The following USP20 variants were observed in gnomAD, a reference collection of about 807,000 sequenced individuals.
USP20 encodes the protein ubiquitin carboxyl-terminal hydrolase 20.
Under a neutral mutation model 124.2 loss-of-function variants are expected in USP20, and 80 were observed. The observed-to-expected ratio is 0.64, with a 90% CI of 0.54 to 0.78. The LOEUF is 0.78. USP20 is among the 30% of genes least tolerant of loss of function. USP20 has a pLI of 0.00. For synonymous variants in USP20, 481 were observed against 512.3 expected (o/e 0.94, Z 0.83); for missense variants, 1,043 against 1,244.4 (o/e 0.84, Z 2.44).
At chr9:129,850,838 G>T (rs1343021132) in intron 2 of USP20, among the ~76,000 whole-genome samples, 1 of 152,074 alleles carries the variant, frequency 6.6e-6, no homozygotes, top group Non-Finnish European at 1.5e-5. Context: ...ATTTTTAGTA[G>T]AGACGGGATT....
chr9:129,859,577 CCTT>C (rs2033428272), intron 6 of USP20, among the ~76,000 whole-genome samples: 6 of 151,880 alleles, frequency 4.0e-5, no homozygotes, highest in Admixed American at 2.6e-4. Flanking sequence ...CCTGGCCTCT[CCTT>C]CTGTTTAGAC....
intron 3 of USP20, 102 bp from the exon 4 acceptor site, chr9:129,856,205 A>G (rs532723032): frequency 3.7e-5 from 43 of 1,166,498 alleles, no homozygotes; most frequent in East Asian, 2.1e-4. Context: ...TTCTGAGTGC[A>G]TGTCAGCCAG....
chr9:129,872,181 C>A (rs1588283622), intron 15 of USP20, among the ~76,000 whole-genome samples: 1 of 150,174 alleles, frequency 6.7e-6, no homozygotes, highest in South Asian at 2.1e-4. Flanking sequence ...GAGACAGAGT[C>A]TCACTCTGTC....
chr9:129,873,033 C>G (rs1440979020), intron 15 of USP20, among the ~76,000 whole-genome samples: 1 of 151,372 alleles, frequency 6.6e-6, no homozygotes, highest in Non-Finnish European at 1.5e-5. Flanking sequence ...AGGGCCTTCC[C>G]TCCCTCCAGT....
chr9:129,846,784 G>A (rs573672752), intron 1 of USP20, among the ~76,000 whole-genome samples: 12 of 151,292 alleles, frequency 7.9e-5, no homozygotes, highest in African/African-American at 2.7e-4. Context: ...CCGCCACCAC[G>A]CCCGGCTAAT....
intron 6 of USP20, 41 bp downstream of exon 6, chr9:129,858,639 T>A: frequency 6.2e-7 from 1 of 1,606,196 alleles, no homozygotes; most frequent in Non-Finnish European, 8.5e-7. Flanking sequence ...TTGGTGACAC[T>A]GTGTTGAGGA....
At chr9:129,856,438 G>A (rs751470209) in intron 4 of USP20, 78 bp downstream of exon 4, 34 of 1,513,886 alleles carry the variant, frequency 2.2e-5, no homozygotes, top group Non-Finnish European at 2.9e-5. Flanking sequence ...GGTGCAGTGG[G>A]CTAGACTCTG....
At chr9:129,870,317 C>A in intron 14 of USP20, 136 bp from the exon 15 acceptor site, 1 of 880,660 alleles carries the variant, frequency 1.1e-6, no homozygotes, top group Non-Finnish European at 1.8e-6. Context: ...TGCCCCGACC[C>A]GCCGTGCCCG....
rs780453470 is a variant in USP20 at position 129,874,765 on chromosome 9, TG to T, written c.1921+10del. 28 of 1,613,656 alleles carry T rather than the reference TG, an allele frequency of 1.7e-5. No homozygotes were observed. The highest frequency in any genetic ancestry group is 2.1e-5 in the Non-Finnish European group (25 of 1,179,964). On this transcript the variant is annotated intron_variant, in intron 18 of 25. Transcript: ENST00000372429. Reference sequence around the variant, plus strand: ...CCACGGCACGGCAGGCAGTGAGTCATGTCCCCTCCCCTGCCGTCCCCATCCG... The same window carrying T: ...CCACGGCACGGCAGGCAGTGAGTCATTCCCCTCCCCTGCCGTCCCCATCCG...
In USP20 at chr9:129,869,569, CTA is replaced by C. The variant is rs558742418; in HGVS notation, c.1393-101_1393-100del. On this transcript the variant is annotated intron_variant, in intron 13 of 25. Coordinates refer to ENST00000372429, the MANE Select transcript of USP20 (RefSeq NM_001110303.4). Reference sequence around the variant, plus strand: ...GGCCCTGCCTGCGTGGATCCCGTGTCTATGGCCTGGGGAGTAGTCCCTCTGCC... The same window carrying C: ...GGCCCTGCCTGCGTGGATCCCGTGTCTGGCCTGGGGAGTAGTCCCTCTGCC... The C allele has an allele frequency of 4.5e-3, 7,025 of 1,554,844 alleles. 18 individuals are homozygous for C. Among genetic ancestry groups the C allele is most frequent in the Non-Finnish European group, 5.5e-3 (6,204 of 1,137,692 alleles).
chr9:129,849,625 T>A (rs2032785483), intron 1 of USP20, among the ~76,000 whole-genome samples, 188 bp from the exon 2 acceptor site: 1 of 152,102 alleles, frequency 6.6e-6, no homozygotes, highest in African/African-American at 2.4e-5. Context: ...TAGGTGGGTG[T>A]GGTGGTGCAC....
At position 129,880,105 on chromosome 9, in the gene USP20, C is replaced by A. The variant is rs374708624; in HGVS notation, c.2585-8C>A. On this transcript the variant is annotated splice_region_variant and splice_polypyrimidine_tract_variant and intron_variant, in intron 24 of 25. Transcript: ENST00000372429. ...GGTGAGCCTAGGGGTGCCTCTCGTG[C>A]CCTGCAGGAGCTGACTACGGGCAGA... The A allele has an allele frequency of 2.9e-5, 47 of 1,612,598 alleles. No individual in the cohort carries two copies. Among genetic ancestry groups the A allele is most frequent in the Non-Finnish European group, 3.9e-5 (46 of 1,179,218 alleles).
chr9:129,873,080 CTTTTTTT>C (rs59712662), intron 15 of USP20, among the ~76,000 whole-genome samples: 3 of 78,366 alleles, frequency 3.8e-5, no homozygotes, highest in Admixed American at 1.9e-4. Flanking sequence ...TTTTCTTCTT[CTTTTTTT>C]TTTTTTTTTT....
At chr9:129,876,618 A>C in intron 22 of USP20, among the ~76,000 whole-genome samples, 1 of 147,630 alleles carries the variant, frequency 6.8e-6, no homozygotes. Context: ...CAGCCTGGGC[A>C]ACCGAGTAAG....
At position 129,876,250 on chromosome 9, in the gene USP20, G is replaced by A. The variant is rs145850192; in HGVS notation, c.2409+12G>A. On this transcript the variant is annotated intron_variant, in intron 22 of 25. Transcript: ENST00000372429. ...ACACCTTCATCAAGGTGCGTGCGGCGAGGCGGCGCGGGGGCGGCTCTGCCA... is the reference window on the plus strand; with the variant it reads ...ACACCTTCATCAAGGTGCGTGCGGCAAGGCGGCGCGGGGGCGGCTCTGCCA... 22 of 1,602,456 alleles carry A rather than the reference G, an allele frequency of 1.4e-5. No individual in the cohort carries two copies. In the African/African-American group the frequency reaches 2.3e-4, roughly 17 times the overall value.
chr9:129,873,697 A>C lies in USP20; in HGVS notation c.1695-2A>C. The C allele has an allele frequency of 6.2e-7, 1 of 1,613,388 alleles. No homozygotes were observed. Among genetic ancestry groups the C allele is most frequent in the Non-Finnish European group, 8.5e-7 (1 of 1,180,012 alleles). On this transcript the variant is annotated splice_acceptor_variant, in intron 16 of 25. Coordinates refer to ENST00000372429, the MANE Select transcript of USP20 (RefSeq NM_001110303.4). LOFTEE classifies it high-confidence loss of function. ...TGATGCTGGCTCGTGCTTCCTCCCC[A>C]GGCTGCGGAACGGAGTGAAGTACTG...
chr9:129,847,434 C>G (rs1314053360), intron 1 of USP20, among the ~76,000 whole-genome samples: 1 of 151,536 alleles, frequency 6.6e-6, no homozygotes, highest in Non-Finnish European at 1.5e-5. Context: ...TCCTGAGTAG[C>G]TGGAATTACA....
chr9:129,856,701 C>T (rs1273705560), intron 4 of USP20, among the ~76,000 whole-genome samples: 1 of 152,258 alleles, frequency 6.6e-6, no homozygotes, highest in East Asian at 1.9e-4. Flanking sequence ...TGCTGCTCAG[C>T]AGCGTCTCTA....
chr9:129,863,077 C>T (rs2033632251), intron 8 of USP20, 109 bp from the exon 9 acceptor site: 2 of 738,960 alleles, frequency 2.7e-6, no homozygotes, highest in East Asian at 3.0e-5. Flanking sequence ...GGTCCAGGGC[C>T]ACTGTGCTCC....
Sources: allele counts gnomAD v4.1 joint callset (sites outside exome capture counted in the v4.1 genomes callset), GRCh38; gene constraint gnomAD v4.1.1; transcripts MANE v1.5; gene names NCBI Gene and HGNC (gene_info 2026-07-23, HGNC 2026-07-21).